Variants in APBB1IP observed in about 807,000 individuals in gnomAD.
APBB1IP encodes the protein amyloid beta precursor protein binding family B member 1 interacting protein.
APBB1IP carries 27 observed loss-of-function variants against 64.9 expected under a neutral mutation model. That is an observed-to-expected ratio of 0.42 (90% CI 0.31 to 0.57). APBB1IP has a LOEUF of 0.57. Among genes scored for constraint, APBB1IP ranks in the 20% least tolerant of loss-of-function variants. The probability of loss-of-function intolerance (pLI) is 0.20; values close to 1 mark genes in which losing one functional copy is unlikely to be tolerated. For missense variants in APBB1IP, 812 were observed against 845.5 expected, an observed-to-expected ratio of 0.96 and a Z score of 0.49; for synonymous variants, 392 against 331.0, an observed-to-expected ratio of 1.18 and a Z score of -2.00.
At chr10:26,462,838 C>T (rs1537749) in intron 2 of APBB1IP, among the ~76,000 whole-genome samples, 55,986 of 151,940 alleles carry the variant, frequency 0.37, 10,364 homozygotes, top group South Asian at 0.5. Context: ...GGTTTTTAAT[C>T]TCGATGCTTC....
At chr10:26,524,901 C>A (rs1030221957) in intron 8 of APBB1IP, among the ~76,000 whole-genome samples, 27 of 146,524 alleles carry the variant, frequency 1.8e-4, no homozygotes, top group Non-Finnish European at 1.6e-4. Flanking sequence ...GGAATTTGGG[C>A]AAGATTGCAT....
At chr10:26,563,291 T>C (rs1836997148) in intron 14 of APBB1IP, among the ~76,000 whole-genome samples, 1 of 151,960 alleles carries the variant, frequency 6.6e-6, no homozygotes, top group South Asian at 2.1e-4. Flanking sequence ...AGTTCAAGGC[T>C]GCAGTGAGCT....
chr10:26,501,057 C>T lies in APBB1IP; in HGVS notation c.399C>T (p.Ala133=), dbSNP rs149374062. 35 of 1,614,186 alleles carry T rather than the reference C, an allele frequency of 2.2e-5. No homozygotes were observed. The highest frequency in any genetic ancestry group is 1.1e-4 in the South Asian group (10 of 91,084). ...AGGATGACTTACCACCTCCACCAGC[C>T]GATCCTGTGTTAGACCTTCCACTGC... ...QYEDDLPPPP[A]DPVLDLPLPP... Residue 133 remains alanine (A), a synonymous_variant, in exon 5 of 15, where the codon GCC becomes GCT. Coordinates refer to ENST00000376236, the MANE Select transcript of APBB1IP (RefSeq NM_019043.4).
In APBB1IP at chr10:26,567,320, C is replaced by T. The variant is rs764702458; in HGVS notation, c.1833C>T (p.Ala611=). Residue 611 remains alanine, a synonymous_variant, in exon 15 of 15, where the codon GCC becomes GCT. Transcript: ENST00000376236. The part of the protein sequence containing the change: ...PPPPPPAPAP[A]PVPDSARPPP... ...CGCCGCCGCCCGCGCCCGCGCCCGC[C>T]CCCGTCCCCGACTCCGCCAGGCCGC... The T allele has an allele frequency of 4.0e-6, 5 of 1,264,526 alleles. No homozygotes were observed. Among genetic ancestry groups the T allele is most frequent in the African/African-American group, 1.7e-5 (1 of 60,386 alleles). 78.3% of individuals were successfully genotyped at this position (1,264,526 alleles called of 1,614,324 possible).
At chr10:26,482,548 G>C (rs1835847269) in intron 2 of APBB1IP, among the ~76,000 whole-genome samples, 1 of 152,116 alleles carries the variant, frequency 6.6e-6, no homozygotes, top group African/African-American at 2.4e-5. Flanking sequence ...GAATTCTGTA[G>C]TGCGTATTTC....
At chr10:26,451,130 G>C (rs1835461089) in intron 2 of APBB1IP, among the ~76,000 whole-genome samples, 1 of 151,784 alleles carries the variant, frequency 6.6e-6, no homozygotes, top group African/African-American at 2.4e-5. Context: ...AGAAATGAAA[G>C]GGGTGTTTTA....
chr10:26,459,410 G>A (rs1835565074), intron 2 of APBB1IP, among the ~76,000 whole-genome samples: 1 of 152,058 alleles, frequency 6.6e-6, no homozygotes, highest in Non-Finnish European at 1.5e-5. Flanking sequence ...CGTGTCATGT[G>A]TCTTTATAGC....
chr10:26,497,482 C>T (rs1836040681), intron 4 of APBB1IP, among the ~76,000 whole-genome samples: 1 of 150,312 alleles, frequency 6.7e-6, no homozygotes, highest in Non-Finnish European at 1.5e-5. Context: ...ACCCAGGAGG[C>T]GGAGCTTGCA....
chr10:26,539,044 C>T (rs1051350506), intron 10 of APBB1IP, among the ~76,000 whole-genome samples: 1 of 152,218 alleles, frequency 6.6e-6, no homozygotes, highest in African/African-American at 2.4e-5. Context: ...TTTCCTACCT[C>T]ATTCCATGTA....
chr10:26,525,468 G>A (rs1156266713), intron 8 of APBB1IP, among the ~76,000 whole-genome samples: 1 of 152,038 alleles, frequency 6.6e-6, no homozygotes, highest in Non-Finnish European at 1.5e-5. Flanking sequence ...CTCTGCAATG[G>A]GTGAGGAAAA....
chr10:26,472,205 A>G (rs550075318), intron 2 of APBB1IP, among the ~76,000 whole-genome samples: 17 of 152,234 alleles, frequency 1.1e-4, no homozygotes, highest in Non-Finnish European at 2.4e-4. Context: ...TTTTCTGCAC[A>G]TGAAAACATC....
Position 26,513,627 on chromosome 10 carries a change from A to G in APBB1IP, c.780A>G (p.Lys260=). 1 of 1,613,620 alleles carries G rather than the reference A, an allele frequency of 6.2e-7. No homozygotes were observed. Among genetic ancestry groups the G allele is most frequent in the Non-Finnish European group, 8.5e-7 (1 of 1,179,830 alleles). ...AAAATAAAATACTATTTTTGGAGAA[A>G]GAGGAGAAATATGCTGTATTTAAAA... ...DTENKILFLE[K]EEKYAVFKNP... The change falls in exon 8 of 15, where the codon AAA becomes AAG. Residue 260 remains lysine, a synonymous_variant. Coordinates refer to ENST00000376236, the MANE Select transcript of APBB1IP (RefSeq NM_019043.4).
chr10:26,560,631 C>A, intron 12 of APBB1IP, 99 bp from the exon 13 acceptor site: 2 of 756,520 alleles, frequency 2.6e-6, no homozygotes, highest in South Asian at 2.7e-5. Flanking sequence ...ACAGAGTAGC[C>A]GTGGAGTATT....
chr10:26,562,702 T>A (rs750477), intron 14 of APBB1IP, among the ~76,000 whole-genome samples: 80,272 of 151,668 alleles, frequency 0.53, 21,467 homozygotes, highest in Middle Eastern at 0.59. Context: ...GAGGCTGAGG[T>A]GTTTGACTTG....
At chr10:26,497,624 A>G (rs747561693) in intron 4 of APBB1IP, among the ~76,000 whole-genome samples, 6 of 152,096 alleles carry the variant, frequency 3.9e-5, no homozygotes, top group Non-Finnish European at 7.4e-5. Flanking sequence ...AAGATTTCCC[A>G]AAGACTTGCT....
intron 2 of APBB1IP, among the ~76,000 whole-genome samples, chr10:26,472,933 T>TAAAAA (rs1588575029): frequency 9.4e-6 from 1 of 106,596 alleles, no homozygotes. Flanking sequence ...GGAGACTTCA[T>TAAAAA]CAAAAACAAA....
intron 7 of APBB1IP, among the ~76,000 whole-genome samples, chr10:26,512,880 A>G (rs1200534778): frequency 6.6e-6 from 1 of 152,186 alleles, no homozygotes; most frequent in Non-Finnish European, 1.5e-5. Flanking sequence ...GGTTTACACT[A>G]AAGCAGTCCC....
chr10:26,467,369 TGTTACCTACCTGTAGAGCA>T (rs1835661578), intron 2 of APBB1IP, among the ~76,000 whole-genome samples: 1 of 151,996 alleles, frequency 6.6e-6, no homozygotes, highest in Non-Finnish European at 1.5e-5. Context: ...AAAAAAAAGT[TGTTACCTACCTGTAGAGCA>T]GTGGTTCTCA....
chr10:26,521,274 A>T (rs1303299954), intron 8 of APBB1IP, among the ~76,000 whole-genome samples: 3 of 152,146 alleles, frequency 2.0e-5, no homozygotes, highest in African/African-American at 7.2e-5. Flanking sequence ...GAGTGCACAG[A>T]CACTGTTAGC....
Sources: gnomAD v4.1 joint callset for allele counts (sites outside exome capture counted in the v4.1 genomes callset) on GRCh38, gnomAD v4.1.1 for gene constraint, MANE v1.5 for transcripts, NCBI Gene and HGNC (gene_info 2026-07-23, HGNC 2026-07-21) for gene names.